ULK4: variants seen among roughly 807,000 people sequenced by gnomAD.
ULK4 encodes the protein unc-51 like kinase 4.
A neutral mutation model predicts 160.6 loss-of-function variants in ULK4; 133 were observed. The ratio of observed to expected loss-of-function variants is 0.83; its 90% confidence interval spans 0.72 to 0.96. The LOEUF (loss-of-function observed/expected upper bound fraction) is 0.96. ULK4 is among the 40% of genes least tolerant of loss of function. The pLI, the probability that ULK4 is intolerant of heterozygous loss-of-function variation, is 0.00. For missense variants in ULK4, 1,580 were observed against 1,499.5 expected (o/e 1.05, Z -0.89); for synonymous variants, 534 against 539.8 (o/e 0.99, Z 0.15).
intron 18 of ULK4, among the ~76,000 whole-genome samples, chr3:41,831,077 G>A (rs2041567334): frequency 6.6e-6 from 1 of 151,610 alleles, no homozygotes. Context: ...ACCCAGACTG[G>A]AGTGCAGTGG....
chr3:41,305,191 C>CTT (rs2079881136), intron 35 of ULK4, among the ~76,000 whole-genome samples: 1 of 95,890 alleles, frequency 1.0e-5, no homozygotes, highest in Non-Finnish European at 2.2e-5. Context: ...TAGGGCTCTC[C>CTT]CTCTCCCTCT....
intron 21 of ULK4, 105 bp downstream of exon 21, chr3:41,789,556 G>T: frequency 8.7e-7 from 1 of 1,153,192 alleles, no homozygotes; most frequent in Non-Finnish European, 1.2e-6. Context: ...AAGGCCTCTT[G>T]GGATAAAAAA....
chr3:41,788,227 A>C (rs1383191827), intron 21 of ULK4, among the ~76,000 whole-genome samples: 1 of 152,226 alleles, frequency 6.6e-6, no homozygotes, highest in Non-Finnish European at 1.5e-5. Context: ...TCTGAGAGTT[A>C]TTCATAATAG....
At chr3:41,270,726 C>T (rs906608295) in intron 35 of ULK4, among the ~76,000 whole-genome samples, 6 of 152,228 alleles carry the variant, frequency 3.9e-5, no homozygotes, top group Admixed American at 6.5e-5. Flanking sequence ...TCATTTTATA[C>T]GACGAGATCG....
intron 19 of ULK4, among the ~76,000 whole-genome samples, chr3:41,815,319 C>T (rs1302273530): frequency 6.6e-6 from 1 of 152,158 alleles, no homozygotes; most frequent in East Asian, 1.9e-4. Context: ...TTTGTTCCAT[C>T]TGTTTTGTAT....
At chr3:41,349,755 C>T (rs1174062413) in intron 35 of ULK4, among the ~76,000 whole-genome samples, 6 of 152,146 alleles carry the variant, frequency 3.9e-5, no homozygotes, top group African/African-American at 1.4e-4. Flanking sequence ...TGGCCACACA[C>T]ATACGGCATG....
chr3:41,571,263 T>C (rs767991019), intron 31 of ULK4, among the ~76,000 whole-genome samples: 3 of 152,192 alleles, frequency 2.0e-5, no homozygotes, highest in Admixed American at 6.5e-5. Flanking sequence ...CTGCTCAAGA[T>C]GATGACATGG....
chr3:41,655,079 T>C (rs1368333220), intron 30 of ULK4, among the ~76,000 whole-genome samples: 1 of 151,246 alleles, frequency 6.6e-6, no homozygotes, highest in Non-Finnish European at 1.5e-5. Context: ...GAGGCTGAGG[T>C]GGGAGGACTG....
At chr3:41,469,610 A>AAAAAAAACAAAAC (rs2083921865) in intron 32 of ULK4, among the ~76,000 whole-genome samples, 4 of 145,416 alleles carry the variant, frequency 2.8e-5, no homozygotes, top group Admixed American at 2.7e-4. Context: ...GCCAAAAAAA[A>AAAAAAAACAAAAC]AAAAAAAAAA....
At chr3:41,718,988 T>C (rs1162885008) in intron 22 of ULK4, among the ~76,000 whole-genome samples, 1 of 152,174 alleles carries the variant, frequency 6.6e-6, no homozygotes, top group African/African-American at 2.4e-5. Flanking sequence ...ATAATCACTG[T>C]TCAACCTACT....
At chr3:41,402,838 G>A (rs1011767991) in intron 34 of ULK4, among the ~76,000 whole-genome samples, 6 of 152,054 alleles carry the variant, frequency 3.9e-5, no homozygotes, top group African/African-American at 1.4e-4. Context: ...TAGTATCAGG[G>A]TAATATCACC....
intron 34 of ULK4, among the ~76,000 whole-genome samples, chr3:41,445,629 T>A (rs1296121272): frequency 7.2e-5 from 11 of 152,114 alleles, no homozygotes; most frequent in African/African-American, 2.7e-4. Flanking sequence ...GGGGAAAGGA[T>A]CCCCTATTTA....
intron 30 of ULK4, among the ~76,000 whole-genome samples, chr3:41,650,093 C>A (rs1575528754): frequency 6.6e-6 from 1 of 152,014 alleles, no homozygotes; most frequent in East Asian, 1.9e-4. Context: ...CTGCTGAGAG[C>A]TGGAGACTCA....
chr3:41,823,898 C>T (rs12634850), intron 18 of ULK4, among the ~76,000 whole-genome samples: 8,407 of 152,230 alleles, frequency 0.055, 419 homozygotes, highest in East Asian at 0.16. Flanking sequence ...CATGGTGGCT[C>T]ACGCCTATAA....
intron 30 of ULK4, among the ~76,000 whole-genome samples, chr3:41,652,841 T>G (rs2034795094): frequency 6.6e-6 from 1 of 152,212 alleles, no homozygotes; most frequent in African/African-American, 2.4e-5. Flanking sequence ...AAAGGGACTC[T>G]GCTGAGTAGT....
intron 31 of ULK4, among the ~76,000 whole-genome samples, chr3:41,577,098 T>C (rs531942412): frequency 6.6e-6 from 1 of 152,324 alleles, no homozygotes; most frequent in East Asian, 1.9e-4. Context: ...TAAGAGGTAC[T>C]AGTAAATCCT....
intron 32 of ULK4, among the ~76,000 whole-genome samples, chr3:41,494,655 C>T (rs1006264195): frequency 5.1e-4 from 78 of 152,194 alleles, no homozygotes; most frequent in Admixed American, 1.1e-3. Context: ...TGTTTGCAGA[C>T]GACATGATTG....
rs1487190307 is a variant in ULK4, at chr3:41,919,780, C to T, written c.580G>A (p.Ala194Thr). The T allele has an allele frequency of 3.7e-6, 6 of 1,614,050 alleles. No individual in the cohort carries two copies. Among genetic ancestry groups the T allele is most frequent in the Non-Finnish European group, 5.1e-6 (6 of 1,179,966 alleles). The part of the protein sequence containing the change: ...VYTAPEVVRG[A>T]DFSISSDLWS... The stretch of plus-strand genomic sequence containing the variant: ...AGGTCACTGGAGATGGAAAAGTCAG[C>T]ACCCCTCACAACTTCTGGTGCTGTA... Residue 194 changes from alanine to threonine, a missense_variant, in exon 6 of 37, where the codon GCT becomes ACT. Ala to Thr is a moderately conservative substitution (Grantham distance 58, BLOSUM62 0). Coordinates refer to ENST00000301831, the MANE Select transcript of ULK4 (RefSeq NM_017886.4).
intron 30 of ULK4, among the ~76,000 whole-genome samples, chr3:41,622,310 C>A (rs538981738): frequency 6.6e-6 from 1 of 152,250 alleles, no homozygotes; most frequent in African/African-American, 2.4e-5. Context: ...TATATGTTTA[C>A]TGCAGCACTA....
Sources: allele counts gnomAD v4.1 joint callset (sites outside exome capture counted in the v4.1 genomes callset), GRCh38; gene constraint gnomAD v4.1.1; transcripts MANE v1.5; gene names NCBI Gene and HGNC (gene_info 2026-07-23, HGNC 2026-07-21).